The following ARHGAP26 variants were observed in gnomAD, a reference collection of about 807,000 sequenced individuals.
ARHGAP26 encodes the protein rho GTPase-activating protein 26.
Under a neutral mutation model 104.8 loss-of-function variants are expected in ARHGAP26, and 38 were observed. The observed-to-expected ratio is 0.36, with a 90% CI of 0.28 to 0.48. The LOEUF (loss-of-function observed/expected upper bound fraction) is 0.48. ARHGAP26 is among the 20% of genes least tolerant of loss of function. The probability of loss-of-function intolerance (pLI) is 0.99; values close to 1 mark genes in which losing one functional copy is unlikely to be tolerated. For synonymous variants in ARHGAP26, 341 were observed against 340.0 expected, an observed-to-expected ratio of 1.00 and a Z score of -0.03; for missense variants, 704 against 947.9, an observed-to-expected ratio of 0.74 and a Z score of 3.38.
chr5:143,205,539 A>C (rs1808429511), intron 20 of ARHGAP26, among the ~76,000 whole-genome samples: 2 of 152,224 alleles, frequency 1.3e-5, no homozygotes, highest in Non-Finnish European at 2.9e-5. Context: ...CACATGAATC[A>C]GTGGTTAAGA....
Position 143,214,046 on chromosome 5 carries a change from G to C in ARHGAP26, c.2149G>C (p.Asp717His). The stretch of plus-strand genomic sequence containing the variant: ...CTTGTATGCCTGCAAAGCTGAACAT[G>C]ACTCAGAACTTTCGTTCACAGCAGG... Reference protein sequence around the residue: ...KALYACKAEHDSELSFTAGTV... With the variant: ...KALYACKAEHHSELSFTAGTV... Residue 717 changes from aspartate to histidine, a missense_variant, in exon 22 of 23, where the codon GAC becomes CAC. Asp to His is a moderately conservative substitution (Grantham distance 81). This residue lies in a region of ARHGAP26 where 217 missense variants were observed against 242.6 expected (regional missense o/e 0.89). Coordinates refer to ENST00000645722, the MANE Select transcript of ARHGAP26 (RefSeq NM_001135608.3). 6.3e-7 allele frequency: 1 copy of C among 1,588,106 alleles called. No individual in the cohort carries two copies.
At chr5:143,082,009 CAAAAAAAAA>C (rs71576162) in intron 17 of ARHGAP26, among the ~76,000 whole-genome samples, 2 of 38,276 alleles carry the variant, frequency 5.2e-5, no homozygotes, top group African/African-American at 9.3e-5. Context: ...GACTCCATCT[CAAAAAAAAA>C]AAAAAAAAAA....
intron 13 of ARHGAP26, among the ~76,000 whole-genome samples, chr5:143,037,480 T>G (rs1020363386): frequency 6.6e-6 from 1 of 152,200 alleles, no homozygotes; most frequent in African/African-American, 2.4e-5. Flanking sequence ...GTGTTAAATA[T>G]CTAAAATACG....
At chr5:143,190,037 AAAAAAAAAAAAGACC>A (rs1805716803) in intron 20 of ARHGAP26, among the ~76,000 whole-genome samples, 1 of 144,950 alleles carries the variant, frequency 6.9e-6, no homozygotes, top group Non-Finnish European at 1.5e-5. Flanking sequence ...AGGGGGGGGA[AAAAAAAAAAAAGACC>A]TGGTTTCTGG....
intron 10 of ARHGAP26, among the ~76,000 whole-genome samples, chr5:142,916,464 TGAGACC>T (rs1204208271): frequency 5.3e-5 from 8 of 152,246 alleles, no homozygotes; most frequent in Non-Finnish European, 8.8e-5. Context: ...TTTCTGGGAC[TGAGACC>T]CTGAAATCCA....
intron 20 of ARHGAP26, among the ~76,000 whole-genome samples, chr5:143,162,303 A>ACACACG (rs1410383113): frequency 7.4e-6 from 1 of 135,214 alleles, no homozygotes; most frequent in African/African-American, 2.5e-5. Context: ...ACACACACAC[A>ACACACG]CACACACACG....
chr5:143,076,902 G>A (rs1220011835), intron 17 of ARHGAP26, among the ~76,000 whole-genome samples: 1 of 68,826 alleles, frequency 1.5e-5, no homozygotes, highest in African/African-American at 6.6e-5. Flanking sequence ...GGTGCTTAGA[G>A]TTGTTTCTAA....
At chr5:142,827,073 A>C (rs1289153716) in intron 1 of ARHGAP26, among the ~76,000 whole-genome samples, 1 of 148,712 alleles carries the variant, frequency 6.7e-6, no homozygotes, top group Non-Finnish European at 1.5e-5. Context: ...GCTGTTTTTC[A>C]TCTCCTGTGA....
intron 11 of ARHGAP26, among the ~76,000 whole-genome samples, chr5:142,962,886 T>G (rs1318733118): frequency 2.6e-5 from 4 of 151,900 alleles, no homozygotes; most frequent in Non-Finnish European, 4.4e-5. Flanking sequence ...TTATACAGAT[T>G]ATTTTGTCAC....
intron 1 of ARHGAP26, among the ~76,000 whole-genome samples, chr5:142,773,200 T>C (rs1315103829): frequency 1.3e-5 from 2 of 152,216 alleles, no homozygotes; most frequent in Non-Finnish European, 2.9e-5. Flanking sequence ...GTATTATTTT[T>C]CTTCAGTCAT....
intron 20 of ARHGAP26, chr5:143,193,829 A>G (rs1191618524): frequency 1.3e-5 from 2 of 152,218 alleles, no homozygotes; most frequent in Non-Finnish European, 2.9e-5. Context: ...ATTATGCTTA[A>G]ATGTATAAAT....
At chr5:142,793,069 C>T (rs1295477287) in intron 1 of ARHGAP26, among the ~76,000 whole-genome samples, 2 of 152,052 alleles carry the variant, frequency 1.3e-5, no homozygotes, top group Non-Finnish European at 2.9e-5. Context: ...CTTTGTAGAA[C>T]AGCATGAATC....
intron 1 of ARHGAP26, among the ~76,000 whole-genome samples, chr5:142,824,508 C>T (rs35302): frequency 0.3 from 45,370 of 151,996 alleles, 9,264 homozygotes; most frequent in African/African-American, 0.57. Context: ...GTGGGTGTCC[C>T]GGCAAGAGAG....
intron 1 of ARHGAP26, among the ~76,000 whole-genome samples, chr5:142,794,513 G>A (rs62383268): frequency 1.8e-4 from 27 of 152,182 alleles, no homozygotes; most frequent in Admixed American, 3.3e-4. Flanking sequence ...ATTACTTTGG[G>A]CGATCAGGCT....
intron 19 of ARHGAP26, among the ~76,000 whole-genome samples, chr5:143,136,083 A>G (rs565426164): frequency 6.6e-6 from 1 of 152,216 alleles, no homozygotes; most frequent in South Asian, 2.1e-4. Context: ...GAGGCTAGAC[A>G]GTATTGGTAA....
chr5:142,931,213 G>A lies in ARHGAP26; in HGVS notation c.1029-834G>A, dbSNP rs936730887. Among the ~76,000 whole-genome samples, 4 of 152,330 alleles carry A rather than the reference G, an allele frequency of 2.6e-5. No homozygotes were observed. The South Asian group carries it at 8.3e-4, about 32-fold the overall frequency. ...ATACATTTGAGGGAGAGGAGGAGGTGGTTTGGGGACACTCTGGGATCTATT... is the reference window on the plus strand; with the variant it reads ...ATACATTTGAGGGAGAGGAGGAGGTAGTTTGGGGACACTCTGGGATCTATT... On this transcript the variant is annotated intron_variant, in intron 10 of 22. Coordinates refer to ENST00000645722, the MANE Select transcript of ARHGAP26 (RefSeq NM_001135608.3).
chr5:142,904,263 G>A (rs1331028350), intron 8 of ARHGAP26, among the ~76,000 whole-genome samples: 1 of 151,990 alleles, frequency 6.6e-6, no homozygotes, highest in Non-Finnish European at 1.5e-5. Context: ...GGCTGAGGTC[G>A]GTGGATTGCT....
At chr5:143,165,774 G>A (rs1455012605) in intron 20 of ARHGAP26, among the ~76,000 whole-genome samples, 1 of 152,146 alleles carries the variant, frequency 6.6e-6, no homozygotes, top group African/African-American at 2.4e-5. Flanking sequence ...TGTGCATGAT[G>A]TGTATTATTT....
At chr5:143,070,697 G>A (rs1395869032) in intron 17 of ARHGAP26, among the ~76,000 whole-genome samples, 1 of 152,304 alleles carries the variant, frequency 6.6e-6, no homozygotes, top group Non-Finnish European at 1.5e-5. Flanking sequence ...ATCACCTGAG[G>A]TCAGGAGTTC....
Sources: gnomAD v4.1 joint callset for allele counts (sites outside exome capture counted in the v4.1 genomes callset) on GRCh38, gnomAD v4.1.1 for gene constraint, gnomAD v4.1.1 regional missense constraint, MANE v1.5 for transcripts, NCBI Gene and HGNC (gene_info 2026-07-23, HGNC 2026-07-21) for gene names.